Variants in LRP2 observed in about 807,000 individuals in gnomAD.
The protein encoded by LRP2 is low-density lipoprotein receptor-related protein 2.
In LRP2, 172 loss-of-function variants were observed where a neutral mutation model predicts 531.0. The ratio of observed to expected loss-of-function variants is 0.32; its 90% CI spans 0.29 to 0.37. The LOEUF is 0.37. Ranked by LOEUF, LRP2 falls within the 10% of genes least tolerant of loss-of-function variation. The probability of loss-of-function intolerance (pLI) is 1.00; values close to 1 mark genes in which losing one functional copy is unlikely to be tolerated. For missense variants in LRP2, 5,167 were observed against 5,868.3 expected (o/e 0.88, Z 3.90); for synonymous variants, 1,992 against 2,027.6 (o/e 0.98, Z 0.47).
chr2:169,271,220 G>A, intron 15 of LRP2, 113 bp from the exon 16 acceptor site: 1 of 680,220 alleles, frequency 1.5e-6, no homozygotes, highest in Non-Finnish European at 2.5e-6. Flanking sequence ...ATATAATTCT[G>A]AAATAAATGT....
In LRP2 at chr2:169,202,182, A is replaced by G. The variant is rs1160810897; in HGVS notation, c.8210-312T>C. On this transcript the variant is annotated intron_variant, in intron 43 of 78. Transcript: ENST00000649046. ...CATGCAATTATAGTTTATTTCAGGA[A>G]AATAAAAACTCCTAGCCCCTATCAC... Among the ~76,000 whole-genome samples, 3 of 152,314 alleles carry G rather than the reference A, an allele frequency of 2.0e-5. No individual in the cohort carries two copies. The East Asian group carries it at 5.8e-4, about 29-fold the overall frequency.
intron 9 of LRP2, among the ~76,000 whole-genome samples, chr2:169,287,452 C>T (rs542241597): frequency 1.3e-5 from 2 of 152,062 alleles, no homozygotes; most frequent in Admixed American, 6.6e-5. Flanking sequence ...CAAGGAAAAG[C>T]TCAAATGGAT....
chr2:169,328,708 G>A (rs1180979119), intron 1 of LRP2, among the ~76,000 whole-genome samples: 5 of 152,110 alleles, frequency 3.3e-5, no homozygotes, highest in South Asian at 2.1e-4. Flanking sequence ...TAATAGAAGG[G>A]GAACCTGAGC....
In LRP2 at chr2:169,239,644, C is replaced by T; in HGVS notation, c.4177G>A (p.Glu1393Lys). The change falls in exon 26 of 79, where the codon GAA (glutamate) becomes AAA (lysine). Residue 1393 changes from glutamate (E) to lysine (K), a missense_variant. This residue lies in a region of LRP2 where 2,811 missense variants were observed against 3,058.0 expected (regional missense o/e 0.92). Coordinates refer to ENST00000649046, the MANE Select transcript of LRP2 (RefSeq NM_004525.3). The stretch of plus-strand genomic sequence containing the variant: ...CTACAAGAGCCTAGAATATCACATT[C>T]ATCTATGTCTTCACAGGTCTTAGAA... Reference protein sequence around the residue: ...NDSKTCEDIDECDILGSCSQH... With the variant: ...NDSKTCEDIDKCDILGSCSQH... 6.2e-7 allele frequency: 1 copy of T among 1,614,102 alleles called. No homozygotes were observed. Among genetic ancestry groups the T allele is most frequent in the Non-Finnish European group, 8.5e-7 (1 of 1,179,942 alleles).
intron 18 of LRP2, among the ~76,000 whole-genome samples, chr2:169,256,740 A>C (rs1690319596): frequency 6.6e-6 from 1 of 152,054 alleles, no homozygotes; most frequent in Non-Finnish European, 1.5e-5. Context: ...ATTGACTCCA[A>C]AGATTTCCTA....
chr2:169,312,773 T>C (rs971574422), intron 3 of LRP2, among the ~76,000 whole-genome samples: 6 of 152,336 alleles, frequency 3.9e-5, no homozygotes, highest in South Asian at 2.1e-4. Flanking sequence ...GGGGAAGTTC[T>C]CCCGGATAAT....
intron 66 of LRP2, 83 bp downstream of exon 66, chr2:169,154,377 A>G (rs1686256563): frequency 7.7e-7 from 1 of 1,306,454 alleles, no homozygotes; most frequent in South Asian, 1.2e-5. Flanking sequence ...CACTCATTAA[A>G]CAATAAATTC....
chr2:169,340,121 T>C (rs903656550), intron 1 of LRP2, among the ~76,000 whole-genome samples: 3 of 152,186 alleles, frequency 2.0e-5, no homozygotes, highest in Admixed American at 1.3e-4. Context: ...CATATAATAG[T>C]TCCTCAAATA....
chr2:169,273,899 A>G (rs1035639396), intron 14 of LRP2, among the ~76,000 whole-genome samples: 1 of 152,192 alleles, frequency 6.6e-6, no homozygotes, highest in Non-Finnish European at 1.5e-5. Context: ...GTGTGAGTTT[A>G]GTTGTGAATT....
chr2:169,173,014 ACT>A, intron 57 of LRP2, 80 bp downstream of exon 57: 2 of 1,416,544 alleles, frequency 1.4e-6, no homozygotes, highest in Non-Finnish European at 2.0e-6. Context: ...TGGGAAATAC[ACT>A]CTCATCTCTC....
chr2:169,280,878 A>G (rs192575615), intron 10 of LRP2, among the ~76,000 whole-genome samples: 1 of 152,350 alleles, frequency 6.6e-6, no homozygotes, highest in African/African-American at 2.4e-5. Context: ...CCCATGTGCA[A>G]CTTTAGATTT....
chr2:169,181,764 AAGAG>A (rs1687446189), intron 51 of LRP2, 146 bp from the exon 52 acceptor site: 1 of 712,228 alleles, frequency 1.4e-6, no homozygotes, highest in Non-Finnish European at 2.4e-6. Flanking sequence ...TCAGAAAAGA[AAGAG>A]AGCTAACAGC....
chr2:169,222,579 A>C (rs1323393495), intron 33 of LRP2, among the ~76,000 whole-genome samples: 2 of 152,140 alleles, frequency 1.3e-5, no homozygotes, highest in African/African-American at 4.8e-5. Context: ...GGATGCCTGA[A>C]ACCTCAGATA....
chr2:169,152,689 C>A (rs561540961), intron 67 of LRP2, 110 bp downstream of exon 67: 19 of 1,245,452 alleles, frequency 1.5e-5, no homozygotes, highest in Non-Finnish European at 2.0e-5. Flanking sequence ...GCACCCATGG[C>A]TGAGTGTACT....
Position 169,318,821 on chromosome 2 carries a change from G to A in LRP2, c.251C>T (p.Ser84Phe), listed in dbSNP as rs1185362355. The A allele has an allele frequency of 6.2e-7, 1 of 1,614,114 alleles. No individual in the cohort carries two copies. ...GTCTTGATCTTGGTCACACACCCAG[G>A]AGTTGGGGATGCATTGTCCCTCACT... ...CQSEGQCIPNSWVCDQDQDCD... is the reference protein window; with the variant it reads ...CQSEGQCIPNFWVCDQDQDCD... The change falls in exon 3 of 79, where the codon TCC (serine) becomes TTC (phenylalanine). Residue 84 changes from serine to phenylalanine, a missense_variant. By Grantham distance (155) the Ser-to-Phe change is radical. Transcript: ENST00000649046.
At chr2:169,150,346 G>A (rs1297336441) in intron 68 of LRP2, among the ~76,000 whole-genome samples, 4 of 152,114 alleles carry the variant, frequency 2.6e-5, no homozygotes, top group Non-Finnish European at 5.9e-5. Context: ...TCAAATAAAT[G>A]TCTTGAAATG....
intron 67 of LRP2, 45 bp from the exon 68 acceptor site, chr2:169,151,071 A>G (rs1159261214): frequency 6.2e-7 from 1 of 1,607,222 alleles, no homozygotes; most frequent in African/African-American, 1.3e-5. Flanking sequence ...AGCCTAGAGT[A>G]ATCATTACTG....
Position 169,200,265 on chromosome 2 carries a change from AT to A in LRP2, c.8453-1355del, listed in dbSNP as rs199890301. Reference sequence around the variant, plus strand: ...GACTCCATCTCAAAAAAATAAAAAAATTTTTTTTCCTTAAAAACTGTATTTC... The same window carrying A: ...GACTCCATCTCAAAAAAATAAAAAAATTTTTTTCCTTAAAAACTGTATTTC... On this transcript the variant is annotated intron_variant, in intron 44 of 78. Coordinates refer to ENST00000649046, the MANE Select transcript of LRP2 (RefSeq NM_004525.3). 7.6e-3 allele frequency among the ~76,000 whole-genome samples: 1,149 copies of A among 152,158 alleles called. 12 individuals carry two copies. The highest frequency in any genetic ancestry group is 0.026 in the African/African-American group (1,081 of 41,482).
At chr2:169,313,086 T>C (rs1684660837) in intron 3 of LRP2, among the ~76,000 whole-genome samples, 1 of 152,222 alleles carries the variant, frequency 6.6e-6, no homozygotes, top group African/African-American at 2.4e-5. Context: ...ATGCTGGTTA[T>C]TCTAGTTAGC....
Sources: gnomAD v4.1 joint callset for allele counts (sites outside exome capture counted in the v4.1 genomes callset) on GRCh38, gnomAD v4.1.1 for gene constraint, gnomAD v4.1.1 regional missense constraint, MANE v1.5 for transcripts, NCBI Gene and HGNC (gene_info 2026-07-23, HGNC 2026-07-21) for gene names.